The following RBFOX1 variants were observed in gnomAD, a reference collection of about 807,000 sequenced individuals.
The protein encoded by RBFOX1 is RNA binding fox-1 homolog 1, also known as RNA binding protein fox-1 homolog 1.
A neutral mutation model predicts 57.7 loss-of-function variants in RBFOX1; 8 were observed. That is an observed-to-expected ratio of 0.14 (90% confidence interval 0.08 to 0.25). The LOEUF (loss-of-function observed/expected upper bound fraction) is 0.25, where lower values mean the gene tolerates loss of function less well. Ranked by LOEUF, RBFOX1 falls within the 10% of genes least tolerant of loss-of-function variation. The pLI is 1.00. For missense variants in RBFOX1, 611 were observed against 548.5 expected (o/e 1.11, Z -1.14); for synonymous variants, 326 against 222.4 (o/e 1.47, Z -4.15).
intron 5 of RBFOX1, among the ~76,000 whole-genome samples, chr16:7,538,151 G>C (rs1223252916): frequency 1.3e-5 from 2 of 152,164 alleles, no homozygotes; most frequent in Non-Finnish European, 2.9e-5. Context: ...CATCCTAGTA[G>C]AGGAGAACGA....
chr16:5,313,157 G>A (rs2064137193), intron 1 of RBFOX1, among the ~76,000 whole-genome samples: 1 of 152,194 alleles, frequency 6.6e-6, no homozygotes, highest in African/African-American at 2.4e-5. Context: ...GAGAAGGAAA[G>A]CCCGGGCAGG....
At chr16:6,226,381 A>AAAC (rs2097418287) in intron 1 of RBFOX1, among the ~76,000 whole-genome samples, 1 of 147,976 alleles carries the variant, frequency 6.8e-6, no homozygotes, top group Non-Finnish European at 1.5e-5. Flanking sequence ...CTCCAAAAAA[A>AAAC]AAAAAAAAAA....
chr16:6,065,132 A>G (rs2095743675), intron 1 of RBFOX1, among the ~76,000 whole-genome samples: 1 of 150,390 alleles, frequency 6.6e-6, no homozygotes, highest in South Asian at 2.1e-4. Context: ...GGCTCAAGTG[A>G]TCCTCCCACC....
At chr16:5,276,200 A>G (rs1362813978) in intron 1 of RBFOX1, among the ~76,000 whole-genome samples, 2 of 152,236 alleles carry the variant, frequency 1.3e-5, no homozygotes, top group African/African-American at 4.8e-5. Flanking sequence ...TAATTAAACT[A>G]AAAGCCTCCT....
intron 4 of RBFOX1, among the ~76,000 whole-genome samples, chr16:7,161,918 C>T (rs977957525): frequency 1.3e-5 from 2 of 152,232 alleles, no homozygotes; most frequent in African/African-American, 4.8e-5. Context: ...GGTAAACACA[C>T]TCAAAGGTTT....
At chr16:6,424,583 AC>A (rs1243891729) in intron 2 of RBFOX1, among the ~76,000 whole-genome samples, 1 of 151,298 alleles carries the variant, frequency 6.6e-6, no homozygotes, top group African/African-American at 2.4e-5. Context: ...AGGTTGAGAA[AC>A]CCTAGTACAT....
rs531954855 is a variant in RBFOX1 at position 6,952,163 on chromosome 16, G to T, written c.-15-99894G>T. The stretch of plus-strand genomic sequence containing the variant: ...CGCAGAGCACATAGTCGTTGTGAAG[G>T]CTCTATGTGGCACTCTGAGAGAAGG... On this transcript the variant is annotated intron_variant, in intron 3 of 15. Transcript: ENST00000550418. Among the ~76,000 whole-genome samples, 16 of 152,228 alleles carry T rather than the reference G, an allele frequency of 1.1e-4. No individual in the cohort carries two copies. In the South Asian group the frequency reaches 2.5e-3, roughly 24 times the overall value.
intron 3 of RBFOX1, among the ~76,000 whole-genome samples, chr16:5,724,116 G>A (rs1293706471): frequency 1.3e-5 from 2 of 152,194 alleles, no homozygotes; most frequent in African/African-American, 4.8e-5. Flanking sequence ...AGTGACAGAT[G>A]TTGTGACTGG....
intron 1 of RBFOX1, among the ~76,000 whole-genome samples, chr16:6,103,522 T>C (rs1020272916): frequency 6.6e-6 from 1 of 152,116 alleles, no homozygotes; most frequent in African/African-American, 2.4e-5. Context: ...AGCATCAAAG[T>C]TGATGCCTTA....
At chr16:7,037,628 C>T (rs551267652) in intron 3 of RBFOX1, among the ~76,000 whole-genome samples, 4 of 152,258 alleles carry the variant, frequency 2.6e-5, no homozygotes, top group East Asian at 1.9e-4. Context: ...TAGTGCTTTC[C>T]GTGTGATAGG....
chr16:6,000,545 G>A (rs1219622679), intron 4 of RBFOX1, among the ~76,000 whole-genome samples: 1 of 152,124 alleles, frequency 6.6e-6, no homozygotes, highest in Non-Finnish European at 1.5e-5. Flanking sequence ...AAAACTCTAT[G>A]TTTTCCTTTG....
At chr16:7,361,122 G>A (rs1413665525) in intron 4 of RBFOX1, among the ~76,000 whole-genome samples, 1 of 152,176 alleles carries the variant, frequency 6.6e-6, no homozygotes, top group South Asian at 2.1e-4. Context: ...GGGACAGAAA[G>A]TGGACACCTT....
At chr16:6,765,472 C>T (rs1328342445) in intron 3 of RBFOX1, among the ~76,000 whole-genome samples, 1 of 152,064 alleles carries the variant, frequency 6.6e-6, no homozygotes, top group Non-Finnish European at 1.5e-5. Flanking sequence ...GGAACATACC[C>T]CTATAACTCA....
At chr16:6,828,423 C>G (rs530616356) in intron 3 of RBFOX1, among the ~76,000 whole-genome samples, 22 of 151,960 alleles carry the variant, frequency 1.4e-4, no homozygotes, top group South Asian at 8.3e-4. Context: ...ACTCAGGAGA[C>G]TGAGGCAGGA....
intron 3 of RBFOX1, among the ~76,000 whole-genome samples, chr16:6,770,706 G>T (rs1184634535): frequency 6.6e-6 from 1 of 152,158 alleles, no homozygotes; most frequent in Non-Finnish European, 1.5e-5. Flanking sequence ...GGAGGCAGAT[G>T]CAGATGAGAG....
At chr16:5,493,941 A>C (rs944545728) in intron 2 of RBFOX1, among the ~76,000 whole-genome samples, 2 of 152,184 alleles carry the variant, frequency 1.3e-5, no homozygotes, top group African/African-American at 4.8e-5. Context: ...GAAAGGAAAA[A>C]ACAAAAGAAA....
rs71147612 is a variant in RBFOX1, at chr16:6,855,652, CAA to C, written c.-15-196390_-15-196389del. ...TGGGCAACAGAGTGAGACTCCATCT[CAA>C]AAAAAAAAAAAAAAGATCTTTTAAC... On this transcript the variant is annotated intron_variant, in intron 3 of 15. Coordinates refer to ENST00000550418, the MANE Select transcript of RBFOX1 (RefSeq NM_018723.4). Among the ~76,000 whole-genome samples the C allele has an allele frequency of 1.6e-4, 20 of 129,024 alleles. 1 individual carries two copies. The Middle Eastern group carries it at 0.013, about 81-fold the overall frequency. 84.6% of individuals were successfully genotyped at this position (129,024 alleles called of 152,430 possible). A position where few individuals can be genotyped will look rare whatever the true frequency, so the allele number is the denominator to read the frequency against.
At chr16:6,772,343 ATAAT>A (rs2078433871) in intron 3 of RBFOX1, among the ~76,000 whole-genome samples, 1 of 152,184 alleles carries the variant, frequency 6.6e-6, no homozygotes, top group African/African-American at 2.4e-5. Context: ...AGCTATCCAA[ATAAT>A]TTATTTATGC....
intron 14 of RBFOX1, among the ~76,000 whole-genome samples, chr16:7,690,969 C>T (rs1431260777): frequency 6.6e-6 from 1 of 152,126 alleles, no homozygotes; most frequent in Non-Finnish European, 1.5e-5. Flanking sequence ...CTGTTAATTG[C>T]ACTTACCGAT....
Sources: gnomAD v4.1 joint callset for allele counts (sites outside exome capture counted in the v4.1 genomes callset) on GRCh38, gnomAD v4.1.1 for gene constraint, MANE v1.5 for transcripts, NCBI Gene and HGNC (gene_info 2026-07-23, HGNC 2026-07-21) for gene names.